LOXL2: variants seen among roughly 807,000 people sequenced by gnomAD.
LOXL2 encodes lysyl oxidase like 2.
In LOXL2, 70 loss-of-function variants were observed where a neutral mutation model predicts 93.0. That is an observed-to-expected ratio of 0.75 (90% CI 0.62 to 0.92). The LOEUF (loss-of-function observed/expected upper bound fraction) is 0.92. Among genes scored for constraint, LOXL2 ranks in the 40% least tolerant of loss-of-function variants. The probability of loss-of-function intolerance (pLI) is 0.00; values close to 1 mark genes in which losing one functional copy is unlikely to be tolerated. For synonymous variants in LOXL2, 438 were observed against 413.2 expected (o/e 1.06, Z -0.73); for missense variants, 973 against 1,054.9 (o/e 0.92, Z 1.08).
At chr8:23,312,361 G>T (rs2117149715) in intron 9 of LOXL2, among the ~76,000 whole-genome samples, 1 of 142,700 alleles carries the variant, frequency 7.0e-6, no homozygotes, top group Non-Finnish European at 1.5e-5. Flanking sequence ...GAGAATTTTA[G>T]ACCAATATCC....
chr8:23,352,152 C>G (rs6992441), intron 3 of LOXL2, among the ~76,000 whole-genome samples: 45,578 of 151,984 alleles, frequency 0.3, 8,782 homozygotes, highest in African/African-American at 0.54. Flanking sequence ...CCAAGAAGGG[C>G]GAGAGACAAA....
At chr8:23,348,298 C>T (rs1804027428) in intron 3 of LOXL2, among the ~76,000 whole-genome samples, 1 of 151,748 alleles carries the variant, frequency 6.6e-6, no homozygotes, top group Non-Finnish European at 1.5e-5. Context: ...GGAGAAATAC[C>T]TAATGTAAAT....
At chr8:23,398,172 A>G (rs1800117404) in intron 1 of LOXL2, among the ~76,000 whole-genome samples, 1 of 152,154 alleles carries the variant, frequency 6.6e-6, no homozygotes, top group African/African-American at 2.4e-5. Context: ...AAGTTCCAGA[A>G]AGATATTATA....
intron 1 of LOXL2, among the ~76,000 whole-genome samples, chr8:23,380,355 T>C (rs1804663510): frequency 7.7e-6 from 1 of 130,280 alleles, no homozygotes; most frequent in Non-Finnish European, 1.5e-5. Context: ...ATCATGCCAC[T>C]GCACTCCAGC....
At chr8:23,403,880 G>A (rs899052753) in intron 1 of LOXL2, 74 bp downstream of exon 1, 13 of 153,968 alleles carry the variant, frequency 8.4e-5, no homozygotes, top group Admixed American at 2.6e-4. Context: ...GACGAAGCCT[G>A]GAGACCCCAT....
chr8:23,346,946 G>A (rs6992553), intron 3 of LOXL2, among the ~76,000 whole-genome samples: 61,563 of 151,562 alleles, frequency 0.41, 13,311 homozygotes, highest in African/African-American at 0.57. Context: ...TGCTCACCTC[G>A]CATGCAGCCT....
chr8:23,355,923 A>C (rs1804189979), intron 3 of LOXL2, among the ~76,000 whole-genome samples: 1 of 152,012 alleles, frequency 6.6e-6, no homozygotes. Flanking sequence ...AAAAAAAAAG[A>C]TCAATAGTTT....
chr8:23,302,000 G>T, intron 12 of LOXL2, 27 bp downstream of exon 12: 1 of 1,613,448 alleles, frequency 6.2e-7, no homozygotes, highest in Non-Finnish European at 8.5e-7. Flanking sequence ...CCCCTGCAGG[G>T]CTGGAACCCC....
At chr8:23,355,512 CTTTTTT>C (rs58824822) in intron 3 of LOXL2, among the ~76,000 whole-genome samples, 2,039 of 80,160 alleles carry the variant, frequency 0.025, 52 homozygotes, top group African/African-American at 0.096. Context: ...TTGACATTCA[CTTTTTT>C]TTTTTTTTTT....
chr8:23,340,764 G>C (rs926477087), intron 4 of LOXL2, among the ~76,000 whole-genome samples: 7 of 152,124 alleles, frequency 4.6e-5, no homozygotes, highest in Non-Finnish European at 8.8e-5. Flanking sequence ...TAGGGATTAG[G>C]GTCTATCTCC....
At position 23,309,891 on chromosome 8, in the gene LOXL2, T is replaced by C. The variant is rs144879742; in HGVS notation, c.1657A>G (p.Asn553Asp). The change falls in exon 10 of 14, where the codon AAT (asparagine) becomes GAT (aspartate). Residue 553 changes from asparagine (N) to aspartate (D), a missense_variant. Transcript: ENST00000389131. Reference sequence around the variant, plus strand: ...GTGGTCTGCTGCACCATCTCCGCATTGAGGACCAGGTCAGGGGCGGCTGCG... The same window carrying C: ...GTGGTCTGCTGCACCATCTCCGCATCGAGGACCAGGTCAGGGGCGGCTGCG... ...CSETAPDLVL[N>D]AEMVQQTTYL... The C allele has an allele frequency of 2.6e-6, 4 of 1,538,128 alleles. No homozygotes were observed. Among genetic ancestry groups the C allele is most frequent in the Non-Finnish European group, 3.5e-6 (4 of 1,136,212 alleles).
At chr8:23,379,000 G>T (rs1204221715) in intron 1 of LOXL2, among the ~76,000 whole-genome samples, 4 of 148,622 alleles carry the variant, frequency 2.7e-5, no homozygotes. Context: ...TTTGGAGGGG[G>T]AGAGGTGCTC....
intron 2 of LOXL2, chr8:23,366,118 G>A (rs1455156191): frequency 6.6e-6 from 1 of 152,198 alleles, no homozygotes; most frequent in Non-Finnish European, 1.5e-5. Flanking sequence ...GTTGTCACTG[G>A]AAAAATACCC....
intron 1 of LOXL2, among the ~76,000 whole-genome samples, chr8:23,377,698 CTTCT>C (rs1804615831): frequency 6.6e-6 from 1 of 152,006 alleles, no homozygotes; most frequent in East Asian, 1.9e-4. Flanking sequence ...ATGTAATGGC[CTTCT>C]TTATCTCTTT....
intron 4 of LOXL2, among the ~76,000 whole-genome samples, chr8:23,334,411 T>A (rs1180832131): frequency 6.6e-6 from 1 of 152,246 alleles, no homozygotes; most frequent in African/African-American, 2.4e-5. Context: ...CTCCCAACGA[T>A]ATACAAGATT....
intron 1 of LOXL2, among the ~76,000 whole-genome samples, chr8:23,377,342 G>A (rs2117222315): frequency 6.6e-6 from 1 of 152,246 alleles, no homozygotes; most frequent in Admixed American, 6.5e-5. Context: ...CATTCACTGA[G>A]GAGTGCTTTA....
intron 8 of LOXL2, among the ~76,000 whole-genome samples, chr8:23,318,462 A>ACACACACAC (rs1563188784): frequency 1.3e-3 from 137 of 108,344 alleles, no homozygotes; most frequent in Admixed American, 5.4e-3. Flanking sequence ...CACACACACA[A>ACACACACAC]AAATACACAT....
At chr8:23,370,452 C>T (rs1563204573) in intron 1 of LOXL2, among the ~76,000 whole-genome samples, 1 of 152,196 alleles carries the variant, frequency 6.6e-6, no homozygotes, top group Non-Finnish European at 1.5e-5. Flanking sequence ...CATTTCTGCT[C>T]AGCAACACAT....
chr8:23,297,636 T>A lies in LOXL2; in HGVS notation c.*407A>T, dbSNP rs1803057105. 1 of 172,664 alleles carries A rather than the reference T, an allele frequency of 5.8e-6. No homozygotes were observed. Among genetic ancestry groups the A allele is most frequent in the Non-Finnish European group, 1.2e-5 (1 of 81,414 alleles). 10.7% of individuals were successfully genotyped at this position (172,664 alleles called of 1,614,324 possible). A position where few individuals can be genotyped will look rare whatever the true frequency, so the allele number is the denominator to read the frequency against. ...GGAGAAATGGGGTTCGGCCTGACCC[T>A]CTCTGGGGGGGCTGATGAGCCCGCA... On this transcript the variant is annotated 3_prime_UTR_variant, in exon 14 of 14. Coordinates refer to ENST00000389131, the MANE Select transcript of LOXL2 (RefSeq NM_002318.3).
Sources: allele counts gnomAD v4.1 joint callset (sites outside exome capture counted in the v4.1 genomes callset), GRCh38; gene constraint gnomAD v4.1.1; transcripts MANE v1.5; gene names NCBI Gene and HGNC (gene_info 2026-07-23, HGNC 2026-07-21).